SLIT3: variants seen among roughly 807,000 people sequenced by gnomAD.
The protein encoded by SLIT3 is slit homolog 3 protein.
SLIT3 carries 68 observed loss-of-function variants against 184.0 expected under a neutral mutation model. That is an observed-to-expected ratio of 0.37 (90% CI 0.30 to 0.45). The LOEUF is 0.45. SLIT3 is among the 20% of genes least tolerant of loss of function. SLIT3 has a pLI of 1.00. For missense variants in SLIT3, 1,707 were observed against 2,026.0 expected (o/e 0.84, Z 3.02); for synonymous variants, 831 against 828.6 (o/e 1.00, Z -0.05).
rs138120301 is a variant in SLIT3 at position 169,272,297 on chromosome 5, C to T, written c.198-20838G>A. Among the ~76,000 whole-genome samples, 567 of 152,356 alleles carry T rather than the reference C, an allele frequency of 3.7e-3. 2 individuals are homozygous for T. The highest frequency in any genetic ancestry group is 0.013 in the African/African-American group (542 of 41,578). Reference sequence around the variant, plus strand: ...CCTAGTTCTACTCTGGAGATGTTCTCGGCTGCTTACGCAATGTTGGCTCTG... The same window carrying T: ...CCTAGTTCTACTCTGGAGATGTTCTTGGCTGCTTACGCAATGTTGGCTCTG... On this transcript the variant is annotated intron_variant, in intron 1 of 35. Coordinates refer to ENST00000519560, the MANE Select transcript of SLIT3 (RefSeq NM_003062.4).
chr5:168,718,748 T>TC lies in SLIT3; in HGVS notation c.2483+3507_2483+3508insG, dbSNP rs1491286569. Among the ~76,000 whole-genome samples the TC allele has an allele frequency of 3.9e-3, 585 of 151,050 alleles. 4 individuals are homozygous for TC. The highest frequency in any genetic ancestry group is 0.013 in the African/African-American group (548 of 40,928). ...CACACACATTCTCTCTCTCTCTCTC[T>TC]TTCTCTCTCTCTCTTAAATGTCAGT... is the stretch of plus-strand genomic sequence containing the variant. On this transcript the variant is annotated intron_variant, in intron 23 of 35. Transcript: ENST00000519560.
At chr5:168,722,652 A>G (rs942297332) in intron 22 of SLIT3, among the ~76,000 whole-genome samples, 2 of 152,230 alleles carry the variant, frequency 1.3e-5, no homozygotes, top group African/African-American at 4.8e-5. Flanking sequence ...TTGTGTAGGA[A>G]AACCATTTCC....
At chr5:169,077,669 G>C (rs1364000323) in intron 4 of SLIT3, among the ~76,000 whole-genome samples, 2 of 152,178 alleles carry the variant, frequency 1.3e-5, no homozygotes, top group Non-Finnish European at 2.9e-5. Context: ...GGAGTCAAAA[G>C]TTAAACAGAG....
intron 5 of SLIT3, among the ~76,000 whole-genome samples, chr5:168,874,853 G>A (rs867415728): frequency 2.0e-5 from 3 of 152,128 alleles, no homozygotes; most frequent in East Asian, 1.9e-4. Flanking sequence ...CATTGGCCCC[G>A]GGGCAAATAG....
At chr5:169,051,474 A>G (rs1274603908) in intron 4 of SLIT3, among the ~76,000 whole-genome samples, 1 of 152,194 alleles carries the variant, frequency 6.6e-6, no homozygotes, top group African/African-American at 2.4e-5. Context: ...GGAGATGTCA[A>G]TCATGTTAAT....
intron 4 of SLIT3, among the ~76,000 whole-genome samples, chr5:169,068,186 TCTCA>T (rs1266872410): frequency 2.0e-5 from 3 of 152,110 alleles, no homozygotes; most frequent in Non-Finnish European, 4.4e-5. Context: ...GTAAGGGAAC[TCTCA>T]CTATGTTTTA....
chr5:169,120,192 T>G (rs1376502786), intron 4 of SLIT3: 1 of 152,188 alleles, frequency 6.6e-6, no homozygotes, highest in Non-Finnish European at 1.5e-5. Flanking sequence ...TTGGTCAGAG[T>G]GCTCAGTTGC....
intron 34 of SLIT3, 149 bp from the exon 35 acceptor site, chr5:168,670,140 C>A (rs779940210): frequency 3.4e-4 from 236 of 686,594 alleles, no homozygotes; most frequent in Middle Eastern, 8.1e-4. Context: ...CATCTCTTTT[C>A]TTAACCACCT....
chr5:169,110,366 T>C (rs1206896594), intron 4 of SLIT3, among the ~76,000 whole-genome samples: 1 of 152,202 alleles, frequency 6.6e-6, no homozygotes. Flanking sequence ...ATTTATAGTC[T>C]CACAGTTCTG....
chr5:169,019,742 A>G (rs1217439731), intron 4 of SLIT3, among the ~76,000 whole-genome samples: 1 of 152,240 alleles, frequency 6.6e-6, no homozygotes, highest in Non-Finnish European at 1.5e-5. Context: ...TTTTAAATAA[A>G]TGTCCTCTTC....
chr5:169,152,882 G>A (rs1762166598), intron 4 of SLIT3, among the ~76,000 whole-genome samples: 1 of 152,192 alleles, frequency 6.6e-6, no homozygotes, highest in Admixed American at 6.5e-5. Context: ...ACTCCCACCT[G>A]GACCCAAGGA....
intron 4 of SLIT3, among the ~76,000 whole-genome samples, chr5:169,049,038 C>T (rs539943777): frequency 9.2e-5 from 14 of 152,182 alleles, no homozygotes; most frequent in African/African-American, 2.7e-4. Flanking sequence ...AGAGAATAGT[C>T]GGGCAGTTTC....
chr5:168,685,780 G>A lies in SLIT3; in HGVS notation c.3462C>T (p.Cys1154=), dbSNP rs767305316. The A allele has an allele frequency of 1.5e-5, 25 of 1,612,930 alleles. No homozygotes were observed. The highest frequency in any genetic ancestry group is 2.0e-5 in the Non-Finnish European group (24 of 1,179,374). The change falls in exon 31 of 36, where the codon TGC becomes TGT. Residue 1154 remains cysteine (C), a synonymous_variant. Coordinates refer to ENST00000519560, the MANE Select transcript of SLIT3 (RefSeq NM_003062.4). ...CGAAGTTGACAGTGATGAGCTTCTC[G>A]CATCTGGGGCCGGCGAAGCCTGGTG... ...RCPPGFAGPR[C]EKLITVNFVG...
intron 3 of SLIT3, among the ~76,000 whole-genome samples, chr5:169,229,426 CACAT>C (rs1333657378): frequency 1.3e-5 from 2 of 152,136 alleles, no homozygotes; most frequent in Non-Finnish European, 2.9e-5. Context: ...AGTACTTTAA[CACAT>C]ACATACTTTC....
rs561288136 is a variant in SLIT3, at chr5:169,105,662, C to G, written c.413+87817G>C. The stretch of plus-strand genomic sequence containing the variant: ...AGCAAGTAGAAAGATCAAGATTCAT[C>G]TGTTCTCATTGTTCAGCTCTCACTT... On this transcript the variant is annotated intron_variant, in intron 4 of 35. Transcript: ENST00000519560. Among the ~76,000 whole-genome samples, 9 of 152,352 alleles carry G rather than the reference C, an allele frequency of 5.9e-5. No individual in the cohort carries two copies. The South Asian group carries it at 1.9e-3, about 32-fold the overall frequency.
At chr5:169,293,904 G>A (rs1463994043) in intron 1 of SLIT3, among the ~76,000 whole-genome samples, 1 of 152,234 alleles carries the variant, frequency 6.6e-6, no homozygotes, top group Non-Finnish European at 1.5e-5. Context: ...GGCCTGCAGA[G>A]CAGAGAGGTA....
At chr5:169,012,526 A>G (rs1373904397) in intron 4 of SLIT3, 2 of 152,194 alleles carry the variant, frequency 1.3e-5, no homozygotes, top group Admixed American at 1.3e-4. Flanking sequence ...CTGGGATTTT[A>G]TTAAGGGCCT....
At chr5:168,753,215 G>C in intron 17 of SLIT3, 117 bp from the exon 18 acceptor site, 1 of 1,055,788 alleles carries the variant, frequency 9.5e-7, no homozygotes, top group South Asian at 1.6e-5. Context: ...TCTAAGCTCA[G>C]TCCAGCCATG....
chr5:169,048,421 G>A (rs535363828), intron 4 of SLIT3, among the ~76,000 whole-genome samples: 1 of 152,184 alleles, frequency 6.6e-6, no homozygotes, highest in Admixed American at 6.5e-5. Context: ...TTACTGAATA[G>A]AGTCCTCAAG....
Sources: allele counts gnomAD v4.1 joint callset (sites outside exome capture counted in the v4.1 genomes callset), GRCh38; gene constraint gnomAD v4.1.1; transcripts MANE v1.5; gene names NCBI Gene and HGNC (gene_info 2026-07-23, HGNC 2026-07-21).